The following FBXL17 variants were observed in gnomAD, a reference collection of about 807,000 sequenced individuals.
FBXL17 encodes the protein F-box/LRR-repeat protein 17.
Under a neutral mutation model 66.2 loss-of-function variants are expected in FBXL17, and 22 were observed. The observed-to-expected ratio is 0.33, with a 90% CI of 0.24 to 0.47. The LOEUF (loss-of-function observed/expected upper bound fraction) is 0.47, where lower values mean the gene tolerates loss of function less well. FBXL17 is among the 20% of genes least tolerant of loss of function. The pLI, the probability that FBXL17 is intolerant of heterozygous loss-of-function variation, is 1.00. For missense variants in FBXL17, 878 were observed against 948.2 expected (o/e 0.93, Z 0.97); for synonymous variants, 474 against 400.5 (o/e 1.18, Z -2.19).
intron 6 of FBXL17, among the ~76,000 whole-genome samples, chr5:108,053,208 A>T (rs1747549655): frequency 6.6e-6 from 1 of 152,220 alleles, no homozygotes; most frequent in South Asian, 2.1e-4. Context: ...GATCTAATTA[A>T]ACTAAAGAGT....
At chr5:108,113,809 A>C (rs1332001742) in intron 6 of FBXL17, among the ~76,000 whole-genome samples, 2 of 152,168 alleles carry the variant, frequency 1.3e-5, no homozygotes, top group Non-Finnish European at 2.9e-5. Flanking sequence ...TATCCGTCTA[A>C]TCTGACATAA....
At chr5:107,871,569 T>C (rs1029264857) in intron 8 of FBXL17, among the ~76,000 whole-genome samples, 3 of 152,160 alleles carry the variant, frequency 2.0e-5, no homozygotes, top group East Asian at 1.9e-4. Flanking sequence ...CAACCATGTG[T>C]TGGCCGCTCT....
chr5:108,357,846 G>T (rs547276455), intron 3 of FBXL17, among the ~76,000 whole-genome samples: 3 of 150,630 alleles, frequency 2.0e-5, no homozygotes, highest in African/African-American at 7.3e-5. Context: ...AACTTCAGAA[G>T]AAATTTGAAC....
intron 6 of FBXL17, among the ~76,000 whole-genome samples, chr5:108,116,031 G>A (rs2149958711): frequency 6.6e-6 from 1 of 152,228 alleles, no homozygotes; most frequent in Admixed American, 6.5e-5. Flanking sequence ...ATAAGTCATG[G>A]CCTGAGAAAA....
At chr5:108,253,355 T>A (rs1319879391) in intron 4 of FBXL17, among the ~76,000 whole-genome samples, 1 of 152,178 alleles carries the variant, frequency 6.6e-6, no homozygotes, top group African/African-American at 2.4e-5. Flanking sequence ...AAATGATTCA[T>A]ACCTGCTAAA....
chr5:108,137,115 T>A (rs1019465), intron 6 of FBXL17, among the ~76,000 whole-genome samples: 1 of 152,002 alleles, frequency 6.6e-6, no homozygotes, highest in Non-Finnish European at 1.5e-5. Context: ...CTCTATGAAC[T>A]AAATATGTCT....
At chr5:108,265,976 C>T (rs958482615) in intron 4 of FBXL17, among the ~76,000 whole-genome samples, 1 of 152,262 alleles carries the variant, frequency 6.6e-6, no homozygotes, top group East Asian at 1.9e-4. Flanking sequence ...TACAGAAATA[C>T]TTAGTTGCCC....
At chr5:107,926,174 G>C (rs1362502519) in intron 7 of FBXL17, among the ~76,000 whole-genome samples, 1 of 152,144 alleles carries the variant, frequency 6.6e-6, no homozygotes, top group Non-Finnish European at 1.5e-5. Context: ...TAAATATGTT[G>C]CATAAATCCA....
chr5:107,873,771 T>C (rs1748528833), intron 8 of FBXL17, among the ~76,000 whole-genome samples: 4 of 152,210 alleles, frequency 2.6e-5, no homozygotes, highest in Admixed American at 1.3e-4. Context: ...ATATAATTAC[T>C]GAAACCAAAT....
chr5:107,974,708 A>T (rs2112657217), intron 7 of FBXL17, among the ~76,000 whole-genome samples: 1 of 152,026 alleles, frequency 6.6e-6, no homozygotes, highest in Non-Finnish European at 1.5e-5. Flanking sequence ...GTGTTTTCAG[A>T]TTACTAGGTT....
intron 7 of FBXL17, among the ~76,000 whole-genome samples, chr5:107,975,020 C>T (rs1203157086): frequency 3.3e-5 from 5 of 152,126 alleles, no homozygotes; most frequent in Non-Finnish European, 5.9e-5. Context: ...ATATCAAAAG[C>T]CTGCCCTAGA....
At chr5:108,027,513 TA>T (rs1257162839) in intron 6 of FBXL17, among the ~76,000 whole-genome samples, 2 of 152,174 alleles carry the variant, frequency 1.3e-5, no homozygotes, top group Non-Finnish European at 2.9e-5. Flanking sequence ...ATTTATTAAT[TA>T]ATTCACTTAA....
intron 7 of FBXL17, among the ~76,000 whole-genome samples, chr5:107,912,096 G>A (rs1749967922): frequency 6.6e-6 from 1 of 152,062 alleles, no homozygotes; most frequent in South Asian, 2.1e-4. Flanking sequence ...CCAATCTGGA[G>A]GACAATTTGG....
intron 7 of FBXL17, among the ~76,000 whole-genome samples, chr5:108,010,325 A>G (rs1030419784): frequency 1.3e-5 from 2 of 152,226 alleles, no homozygotes; most frequent in African/African-American, 4.8e-5. Context: ...ACTAGCTAAA[A>G]TGTAAAATTA....
intron 4 of FBXL17, among the ~76,000 whole-genome samples, chr5:108,294,874 A>G (rs1758281420): frequency 1.3e-5 from 2 of 152,106 alleles, no homozygotes; most frequent in South Asian, 4.1e-4. Context: ...GTTGTTCTTT[A>G]AAGCCATCTA....
At chr5:108,226,187 C>T (rs1755092123) in intron 4 of FBXL17, among the ~76,000 whole-genome samples, 1 of 152,178 alleles carries the variant, frequency 6.6e-6, no homozygotes, top group Non-Finnish European at 1.5e-5. Context: ...CCCTCCCTCT[C>T]CCCTAGAATA....
At chr5:107,961,366 AG>A (rs1751900977) in intron 7 of FBXL17, among the ~76,000 whole-genome samples, 1 of 151,890 alleles carries the variant, frequency 6.6e-6, no homozygotes, top group African/African-American at 2.4e-5. Context: ...TTGGGACTAC[AG>A]GCACATAACA....
chr5:108,345,274 T>C (rs899894706), intron 4 of FBXL17, among the ~76,000 whole-genome samples: 1 of 151,686 alleles, frequency 6.6e-6, no homozygotes, highest in Non-Finnish European at 1.5e-5. Context: ...GAAGAGGAAG[T>C]TGCAGTGAGC....
chr5:108,198,464 T>G (rs570633537), intron 5 of FBXL17, among the ~76,000 whole-genome samples: 14 of 152,278 alleles, frequency 9.2e-5, no homozygotes, highest in African/African-American at 2.9e-4. Context: ...TCTTCCACAA[T>G]CTTCAGCATT....
Sources: gnomAD v4.1 joint callset for allele counts (sites outside exome capture counted in the v4.1 genomes callset) on GRCh38, gnomAD v4.1.1 for gene constraint, MANE v1.5 for transcripts, NCBI Gene and HGNC (gene_info 2026-07-23, HGNC 2026-07-21) for gene names.